Variants in MEPE observed in about 807,000 individuals in gnomAD.
MEPE encodes matrix, extracellular phosphoglycoprotein with ASARM motif (bone).
In MEPE, 7 loss-of-function variants were observed where a neutral mutation model predicts 7.3. The observed-to-expected ratio is 0.95, with a 90% confidence interval of 0.54 to 1.79. The LOEUF is 1.79. MEPE is among the 40% of genes most tolerant of loss of function. The pLI is 0.00. For missense variants in MEPE, 623 were observed against 628.2 expected (o/e 0.99, Z 0.09); for synonymous variants, 214 against 213.1 (o/e 1.00, Z -0.04).
At chr4:87,828,363 T>G (rs1722522550), upstream of MEPE, among the ~76,000 whole-genome samples, 1 of 152,198 alleles carries the variant, frequency 6.6e-6, no homozygotes, top group Non-Finnish European at 1.5e-5. Context: ...AAACTTATTT[T>G]AGTTAGAACA....
At chr4:87,824,926 C>A (rs1722424715) in intron 1 of MEPE, among the ~76,000 whole-genome samples, 1 of 152,188 alleles carries the variant, frequency 6.6e-6, no homozygotes, top group Non-Finnish European at 1.5e-5. Flanking sequence ...CAGCTCACTG[C>A]AGGCTCGACC....
Position 87,846,098 on chromosome 4 carries a change from T to G in MEPE, c.1230T>G (p.Gly410=). The G allele has an allele frequency of 2.5e-6, 4 of 1,613,838 alleles. No individual in the cohort carries two copies. The highest frequency in any genetic ancestry group is 2.5e-6 in the Non-Finnish European group (3 of 1,179,922). The change falls in exon 4 of 4, where the codon GGT becomes GGG. Residue 410 remains glycine (G), a synonymous_variant. Transcript: ENST00000361056. The stretch of plus-strand genomic sequence containing the variant: ...ATGGCAAAGGCAGTACCAGAAAGGG[T>G]GTAGATCATTCTAATAGGAACCAAG... ...PKNGKGSTRK[G]VDHSNRNQAT...
chr4:87,846,135 G>GA lies in MEPE; in HGVS notation c.1272dup (p.Gln425ThrfsTer5). 3.7e-6 allele frequency: 6 copies of GA among 1,613,782 alleles called. No homozygotes were observed. The highest frequency in any genetic ancestry group is 5.1e-6 in the Non-Finnish European group (6 of 1,179,880). ...TAATAGGAACCAAGCAACCTTAAAT[G>GA]AAAAACAAAGGTTTCCTAGTAAGGG... On this transcript the variant is annotated frameshift_variant, in exon 4 of 4. Coordinates refer to ENST00000361056, the MANE Select transcript of MEPE (RefSeq NM_020203.6). LOFTEE classifies it low-confidence loss of function (END_TRUNC).
rs1157038454 is a variant in MEPE, at chr4:87,846,773, A to G, written c.*327A>G. The G allele has an allele frequency of 4.5e-6, 1 of 224,504 alleles. No homozygotes were observed. The highest frequency in any genetic ancestry group is 2.3e-5 in the African/African-American group (1 of 43,836). 13.9% of individuals were successfully genotyped at this position (224,504 alleles called of 1,614,324 possible). ...GTTTGCTCTGTAGACATGAAAATAA[A>G]CAATATCTCTCGATGATAATTTGTA... On this transcript the variant is annotated 3_prime_UTR_variant, in exon 4 of 4. Transcript: ENST00000361056.
At chr4:87,837,961 AC>A (rs374565708) in intron 2 of MEPE, among the ~76,000 whole-genome samples, 115 of 152,016 alleles carry the variant, frequency 7.6e-4, no homozygotes, top group Middle Eastern at 3.4e-3. Flanking sequence ...TTCAATAGCT[AC>A]CCCTCACCCT....
chr4:87,824,140 G>A (rs2109987162), intron 1 of MEPE, among the ~76,000 whole-genome samples: 1 of 152,116 alleles, frequency 6.6e-6, no homozygotes, highest in Non-Finnish European at 1.5e-5. Flanking sequence ...TTTTAATAAG[G>A]GGTCAGCAAG....
At chr4:87,822,231 T>TTTCA (rs1722355237) in intron 1 of MEPE, among the ~76,000 whole-genome samples, 1 of 152,172 alleles carries the variant, frequency 6.6e-6, no homozygotes, top group Admixed American at 6.5e-5. Context: ...TGGCGTATTA[T>TTTCA]TTCATATTTT....
At chr4:87,829,456 T>G (rs748131103), upstream of MEPE, among the ~76,000 whole-genome samples, 20 of 152,146 alleles carry the variant, frequency 1.3e-4, no homozygotes, top group Non-Finnish European at 2.5e-4. Flanking sequence ...AAGGGAAATC[T>G]TTTTCATGCA....
intron 1 of MEPE, among the ~76,000 whole-genome samples, chr4:87,833,605 A>G (rs1722664783): frequency 6.6e-6 from 1 of 152,182 alleles, no homozygotes; most frequent in Admixed American, 6.5e-5. Flanking sequence ...TCCCATAAAA[A>G]CAAGTTTTTC....
intron 1 of MEPE, among the ~76,000 whole-genome samples, chr4:87,826,698 G>A (rs1722479515): frequency 6.6e-6 from 1 of 152,050 alleles, no homozygotes; most frequent in African/African-American, 2.4e-5. Context: ...CGTGTGAGAT[G>A]GTATCTCATT....
intron 3 of MEPE, among the ~76,000 whole-genome samples, chr4:87,844,382 A>G (rs1012586157): frequency 6.6e-6 from 1 of 152,222 alleles, no homozygotes; most frequent in East Asian, 1.9e-4. Flanking sequence ...AATGAATTCA[A>G]ATATAGATAT....
chr4:87,835,569 G>A (rs1722756193), intron 2 of MEPE, among the ~76,000 whole-genome samples: 1 of 152,132 alleles, frequency 6.6e-6, no homozygotes, highest in South Asian at 2.1e-4. Context: ...TGACTGCTAG[G>A]GTAACCAGGC....
At position 87,846,264 on chromosome 4, in the gene MEPE, G is replaced by T; in HGVS notation, c.1396G>T (p.Gly466Cys). 1 of 1,613,964 alleles carries T rather than the reference G, an allele frequency of 6.2e-7. No homozygotes were observed. The highest frequency in any genetic ancestry group is 8.5e-7 in the Non-Finnish European group (1 of 1,179,950). Reference protein sequence around the residue: ...GPSHENIITHGRKYHYVPHRQ... With the variant: ...GPSHENIITHCRKYHYVPHRQ... ...CAGTCATGAGAATATAATAACACATGGCAGAAAATATCATTATGTACCCCA... is the reference window on the plus strand; with the variant it reads ...CAGTCATGAGAATATAATAACACATTGCAGAAAATATCATTATGTACCCCA... Residue 466 changes from glycine (G) to cysteine (C), a missense_variant, in exon 4 of 4, where the codon GGC becomes TGC. Gly to Cys is a radical substitution (Grantham distance 159). Transcript: ENST00000361056.
chr4:87,825,450 T>G (rs1446061199), intron 1 of MEPE, among the ~76,000 whole-genome samples: 1 of 152,226 alleles, frequency 6.6e-6, no homozygotes, highest in Non-Finnish European at 1.5e-5. Flanking sequence ...CAAAAATGAC[T>G]GAAACGTTAT....
intron 3 of MEPE, among the ~76,000 whole-genome samples, chr4:87,842,964 T>G (rs943299174): frequency 2.6e-5 from 4 of 152,206 alleles, no homozygotes; most frequent in Non-Finnish European, 2.9e-5. Context: ...TATTGCTTTC[T>G]GAGCTCAGGT....
chr4:87,842,618 C>A (rs1723056854), intron 3 of MEPE, among the ~76,000 whole-genome samples: 1 of 152,052 alleles, frequency 6.6e-6, no homozygotes, highest in African/African-American at 2.4e-5. Flanking sequence ...TCACCTAACA[C>A]AAGAGAACTG....
chr4:87,832,577 C>T (rs1722627620), upstream of MEPE, among the ~76,000 whole-genome samples: 1 of 152,144 alleles, frequency 6.6e-6, no homozygotes, highest in African/African-American at 2.4e-5. Context: ...CAGTAGGCAC[C>T]TAAAACATTT....
In MEPE at chr4:87,845,992, C is replaced by G; in HGVS notation, c.1124C>G (p.Pro375Arg). 1 of 1,613,920 alleles carries G rather than the reference C, an allele frequency of 6.2e-7. No individual in the cohort carries two copies. ...AHQGKVEFHY[P>R]PAPSKEKRKE... is the part of the protein sequence containing the mutation. ...CAAGGGAAGGTTGAGTTTCATTACC[C>G]TCCTGCACCCTCAAAAGAGAAAAGA... The change falls in exon 4 of 4, where the codon CCT becomes CGT. Residue 375 changes from proline (P) to arginine (R), a missense_variant. By Grantham distance (103) the Pro-to-Arg change is moderately radical (BLOSUM62 -2). Coordinates refer to ENST00000361056, the MANE Select transcript of MEPE (RefSeq NM_020203.6).
intron 3 of MEPE, among the ~76,000 whole-genome samples, chr4:87,839,261 A>G (rs4466013): frequency 0.077 from 11,665 of 152,244 alleles, 950 homozygotes; most frequent in African/African-American, 0.2. Flanking sequence ...TACAAAGGCC[A>G]ACGTTGCCAG....
Sources: allele counts gnomAD v4.1 joint callset (sites outside exome capture counted in the v4.1 genomes callset), GRCh38; gene constraint gnomAD v4.1.1; transcripts MANE v1.5; gene names NCBI Gene and HGNC (gene_info 2026-07-23, HGNC 2026-07-21).